TEX11: variants seen among roughly 807,000 people sequenced by gnomAD.
TEX11 encodes testis expressed 11.
TEX11 carries 7 observed loss-of-function variants against 84.4 expected under a neutral mutation model. The ratio of observed to expected loss-of-function variants is 0.08; its 90% CI spans 0.05 to 0.16. The LOEUF is 0.16. TEX11 is among the 10% of genes least tolerant of loss of function. The probability of loss-of-function intolerance (pLI) is 1.00; values close to 1 mark genes in which losing one functional copy is unlikely to be tolerated. For missense variants in TEX11, 551 were observed against 660.5 expected, an observed-to-expected ratio of 0.83 and a Z score of 1.82; for synonymous variants, 264 against 222.8, an observed-to-expected ratio of 1.18 and a Z score of -1.64.
intron 7 of TEX11, among the ~76,000 whole-genome samples, chrX:70,840,176 G>A (rs2091433542): frequency 9.0e-6 from 1 of 111,411 alleles, no homozygotes. Context: ...ACACATAATT[G>A]TCAGATTCAC....
chrX:70,734,388 G>T lies in TEX11; in HGVS notation c.843+6313C>A, dbSNP rs544669162. Among the ~76,000 whole-genome samples the T allele has an allele frequency of 2.7e-5, 3 of 111,337 alleles. No homozygotes were observed. The South Asian group carries it at 1.1e-3, about 42-fold the overall frequency. On this transcript the variant is annotated intron_variant, in intron 11 of 29. Coordinates refer to ENST00000374333, the MANE Select transcript of TEX11 (RefSeq NM_031276.3). Reference sequence around the variant, plus strand: ...CTCTGGGAGTATTGCCTAGCAAATTGTATGTGCATGTGTGGGGGAAAATGT... The same window carrying T: ...CTCTGGGAGTATTGCCTAGCAAATTTTATGTGCATGTGTGGGGGAAAATGT...
intron 11 of TEX11, among the ~76,000 whole-genome samples, chrX:70,736,971 G>T (rs1033243794): frequency 9.0e-6 from 1 of 111,656 alleles, no homozygotes; most frequent in African/African-American, 3.2e-5. Context: ...AGCAGCCAAC[G>T]ATGTAAAATA....
At chrX:70,575,211 GC>G (rs1161854404) in intron 25 of TEX11, among the ~76,000 whole-genome samples, 1 of 111,692 alleles carries the variant, frequency 9.0e-6, no homozygotes, top group Admixed American at 9.6e-5. Flanking sequence ...GGAAGCTATT[GC>G]AGTGGTCCAA....
chrX:70,720,503 G>A (rs1297381042), intron 13 of TEX11, among the ~76,000 whole-genome samples: 1 of 108,649 alleles, frequency 9.2e-6, no homozygotes, highest in African/African-American at 3.4e-5. Context: ...ATGTACCCTA[G>A]AACTTAAAGT....
chrX:70,682,855 G>T (rs2090158335), intron 13 of TEX11, 30 bp from the exon 14 acceptor site: 1 of 1,188,191 alleles, frequency 8.4e-7, no homozygotes, highest in African/African-American at 1.8e-5. Context: ...TTTAAGCAAT[G>T]CGAACAGAAA....
the TEX11 span, among the ~76,000 whole-genome samples, chrX:70,516,014 T>C: frequency 8.9e-6 from 1 of 112,173 alleles, no homozygotes; most frequent in South Asian, 3.7e-4. Context: ...GTAGATTCTG[T>C]ATATTAGCCC....
chrX:70,688,406 G>C (rs1454031196), intron 13 of TEX11, among the ~76,000 whole-genome samples: 3 of 111,380 alleles, frequency 2.7e-5, no homozygotes, highest in African/African-American at 9.8e-5. Context: ...TAGGTAAATA[G>C]ATAAACAAAG....
chrX:70,759,787 TAA>T (rs1212331038), intron 9 of TEX11, among the ~76,000 whole-genome samples: 1 of 111,291 alleles, frequency 9.0e-6, no homozygotes, highest in East Asian at 2.8e-4. Flanking sequence ...GAGAAAGAAA[TAA>T]AGAGTATTCA....
intron 9 of TEX11, among the ~76,000 whole-genome samples, chrX:70,757,905 C>T (rs1218298334): frequency 9.1e-6 from 1 of 110,284 alleles, no homozygotes; most frequent in Non-Finnish European, 1.9e-5. Flanking sequence ...AACATAGGCT[C>T]AAAATAAAGG....
chrX:70,903,216 T>TA (rs1213734396), intron 2 of TEX11, among the ~76,000 whole-genome samples: 4 of 107,744 alleles, frequency 3.7e-5, no homozygotes, highest in Admixed American at 1.9e-4. Flanking sequence ...AAGATGATGA[T>TA]AAAAAAATAG....
intron 2 of TEX11, among the ~76,000 whole-genome samples, chrX:70,890,822 G>A (rs1338340155): frequency 6.2e-5 from 7 of 112,321 alleles, no homozygotes; most frequent in African/African-American, 1.3e-4. Flanking sequence ...ACACTTAAAC[G>A]TCCCTGTCTG....
intron 9 of TEX11, among the ~76,000 whole-genome samples, chrX:70,748,490 C>G (rs1404881923): frequency 9.0e-6 from 1 of 111,560 alleles, no homozygotes; most frequent in Non-Finnish European, 1.9e-5. Flanking sequence ...ACATGAAGTC[C>G]TTGCCCATGC....
intron 25 of TEX11, among the ~76,000 whole-genome samples, chrX:70,586,466 C>T (rs780620379): frequency 3.6e-5 from 4 of 111,685 alleles, no homozygotes; most frequent in African/African-American, 6.5e-5. Flanking sequence ...TCCTAAAACG[C>T]AACACCAAAA....
At chrX:70,850,719 T>C (rs1374824087) in intron 7 of TEX11, among the ~76,000 whole-genome samples, 1 of 109,754 alleles carries the variant, frequency 9.1e-6, no homozygotes, top group Admixed American at 9.9e-5. Flanking sequence ...TGGGCCACAT[T>C]ACTCCAGCCT....
intron 11 of TEX11, among the ~76,000 whole-genome samples, chrX:70,731,550 CT>C (rs1171212955): frequency 1.8e-5 from 2 of 111,835 alleles, no homozygotes; most frequent in African/African-American, 6.5e-5. Flanking sequence ...ACTAGAAAAT[CT>C]AGAAGAAATG....
intron 17 of TEX11, among the ~76,000 whole-genome samples, chrX:70,650,555 A>C (rs952470151): frequency 9.0e-6 from 1 of 111,694 alleles, no homozygotes; most frequent in Non-Finnish European, 1.9e-5. Flanking sequence ...CATGACAGCA[A>C]TATTAACCTC....
chrX:70,788,079 T>C (rs2091090893), intron 9 of TEX11, among the ~76,000 whole-genome samples: 1 of 111,277 alleles, frequency 9.0e-6, no homozygotes, highest in Admixed American at 9.6e-5. Context: ...TGTTACAATA[T>C]CCATACTACC....
chrX:70,866,409 C>CAAA (rs201707772), intron 4 of TEX11, among the ~76,000 whole-genome samples: 1 of 91,988 alleles, frequency 1.1e-5, no homozygotes. Context: ...GCCTACCAAC[C>CAAA]AAAAAAAAAA....
intron 28 of TEX11, among the ~76,000 whole-genome samples, chrX:70,543,508 C>T (rs892547226): frequency 8.9e-6 from 1 of 112,282 alleles, no homozygotes; most frequent in Non-Finnish European, 1.9e-5. Flanking sequence ...GTCACTATGG[C>T]AAACACACCT....
Sources: allele counts gnomAD v4.1 joint callset (sites outside exome capture counted in the v4.1 genomes callset), GRCh38; gene constraint gnomAD v4.1.1; transcripts MANE v1.5; gene names NCBI Gene and HGNC (gene_info 2026-07-23, HGNC 2026-07-21).